PLCB4: variants seen among roughly 807,000 people sequenced by gnomAD.
PLCB4 encodes phospholipase C beta 4.
PLCB4 carries 77 observed loss-of-function variants against 178.8 expected under a neutral mutation model. The ratio of observed to expected loss-of-function variants is 0.43; its 90% CI spans 0.36 to 0.52. PLCB4 has a LOEUF of 0.52. Ranked by LOEUF, PLCB4 falls within the 20% of genes least tolerant of loss-of-function variation. The probability of loss-of-function intolerance (pLI) is 0.00; values close to 1 mark genes in which losing one functional copy is unlikely to be tolerated. For missense variants in PLCB4, 1,024 were observed against 1,453.4 expected, an observed-to-expected ratio of 0.70 and a Z score of 4.80; for synonymous variants, 496 against 490.8, an observed-to-expected ratio of 1.01 and a Z score of -0.14.
intron 9 of PLCB4, among the ~76,000 whole-genome samples, chr20:9,366,523 T>C (rs1201332787): frequency 6.6e-6 from 1 of 152,142 alleles, no homozygotes; most frequent in Non-Finnish European, 1.5e-5. Context: ...GGATTCCCCA[T>C]GCATCCCTCT....
At chr20:9,273,070 A>C (rs2094419878) in intron 3 of PLCB4, among the ~76,000 whole-genome samples, 2 of 152,112 alleles carry the variant, frequency 1.3e-5, no homozygotes, top group African/African-American at 4.8e-5. Context: ...TTTAATCCTC[A>C]GTATATACTT....
chr20:9,117,684 C>T (rs2091826144), intron 2 of PLCB4, among the ~76,000 whole-genome samples: 2 of 152,152 alleles, frequency 1.3e-5, no homozygotes, highest in African/African-American at 4.8e-5. Flanking sequence ...TTTTGTTCTC[C>T]TGTGCCTCGG....
Position 9,351,424 on chromosome 20 carries a change from A to G in PLCB4, c.370-11472A>G, listed in dbSNP as rs561312086. On this transcript the variant is annotated intron_variant, in intron 7 of 39. Transcript: ENST00000378473. ...ACCAGTGTGGCACTGAATAAAAGTC[A>G]GTAAATTATATCATAGAGGCATTAT... 9.8e-5 allele frequency among the ~76,000 whole-genome samples: 15 copies of G among 152,354 alleles called. 1 individual carries two copies. The South Asian group carries it at 2.7e-3, about 27-fold the overall frequency.
At chr20:9,155,106 C>T (rs1473273217) in intron 2 of PLCB4, among the ~76,000 whole-genome samples, 1 of 151,342 alleles carries the variant, frequency 6.6e-6, no homozygotes, top group Non-Finnish European at 1.5e-5. Flanking sequence ...CCCCTCCCAC[C>T]CTTCCCCTTC....
chr20:9,330,464 C>T (rs1224097624), intron 4 of PLCB4, among the ~76,000 whole-genome samples: 1 of 152,190 alleles, frequency 6.6e-6, no homozygotes, highest in African/African-American at 2.4e-5. Flanking sequence ...GTCCAACAAT[C>T]TTCTGGCGAT....
At chr20:9,151,896 T>C (rs1033356362) in intron 2 of PLCB4, among the ~76,000 whole-genome samples, 1 of 151,992 alleles carries the variant, frequency 6.6e-6, no homozygotes, top group Non-Finnish European at 1.5e-5. Context: ...CTGATAGTGA[T>C]ATAGACAATA....
intron 3 of PLCB4, among the ~76,000 whole-genome samples, chr20:9,296,854 G>T (rs1359719716): frequency 6.6e-6 from 1 of 151,878 alleles, no homozygotes; most frequent in Non-Finnish European, 1.5e-5. Flanking sequence ...ACAGGGGCCT[G>T]TTGTGGGGTT....
intron 4 of PLCB4, among the ~76,000 whole-genome samples, chr20:9,321,448 AG>A (rs1329915078): frequency 6.6e-6 from 1 of 152,218 alleles, no homozygotes; most frequent in Non-Finnish European, 1.5e-5. Flanking sequence ...CTGGAACCAA[AG>A]ACCTGTTTAA....
chr20:9,167,243 A>G (rs1378789857), intron 2 of PLCB4, among the ~76,000 whole-genome samples: 4 of 152,066 alleles, frequency 2.6e-5, no homozygotes, highest in Non-Finnish European at 5.9e-5. Flanking sequence ...TGAACATAAA[A>G]CTGCTCTAAG....
chr20:9,168,099 T>C (rs2147019986), intron 2 of PLCB4, among the ~76,000 whole-genome samples: 1 of 152,332 alleles, frequency 6.6e-6, no homozygotes, highest in South Asian at 2.1e-4. Context: ...CTTTATGTGC[T>C]TTTTACATTA....
At chr20:9,132,691 C>T (rs1046280354) in intron 2 of PLCB4, among the ~76,000 whole-genome samples, 5 of 152,128 alleles carry the variant, frequency 3.3e-5, no homozygotes, top group East Asian at 3.9e-4. Context: ...TTATCGTTTG[C>T]GATGCCCACC....
chr20:9,260,037 T>C (rs1298104183), intron 3 of PLCB4, among the ~76,000 whole-genome samples: 4 of 152,080 alleles, frequency 2.6e-5, no homozygotes, highest in African/African-American at 9.7e-5. Flanking sequence ...AGAATGGAAA[T>C]TAGAAATGAT....
chr20:9,451,445 CTTAT>C (rs1486168010), intron 32 of PLCB4, among the ~76,000 whole-genome samples: 2 of 152,126 alleles, frequency 1.3e-5, no homozygotes, highest in Non-Finnish European at 2.9e-5. Context: ...CAGAAAGCCC[CTTAT>C]TTATTTAATT....
At chr20:9,232,177 C>CA (rs1325409904) in intron 3 of PLCB4, among the ~76,000 whole-genome samples, 3 of 152,092 alleles carry the variant, frequency 2.0e-5, no homozygotes, top group African/African-American at 7.2e-5. Context: ...AGGGTGATGA[C>CA]AAAAGAGTCC....
At chr20:9,299,271 T>G (rs2094676806) in intron 3 of PLCB4, among the ~76,000 whole-genome samples, 1 of 152,054 alleles carries the variant, frequency 6.6e-6, no homozygotes, top group East Asian at 1.9e-4. Flanking sequence ...AAACAAGTTT[T>G]AAAATTGTAT....
intron 3 of PLCB4, among the ~76,000 whole-genome samples, chr20:9,293,659 C>T (rs1189170498): frequency 1.4e-5 from 1 of 70,768 alleles, no homozygotes; most frequent in East Asian, 4.0e-4. Context: ...TCATTGTTTA[C>T]TGCTATATGC....
At chr20:9,358,095 A>T (rs983900387) in intron 7 of PLCB4, among the ~76,000 whole-genome samples, 4 of 152,206 alleles carry the variant, frequency 2.6e-5, no homozygotes, top group African/African-American at 9.6e-5. Context: ...AGGGTTTGCA[A>T]CAGTGCTTCT....
At chr20:9,299,630 C>T (rs1427467802) in intron 3 of PLCB4, among the ~76,000 whole-genome samples, 2 of 151,982 alleles carry the variant, frequency 1.3e-5, no homozygotes, top group South Asian at 4.2e-4. Context: ...TATTGTTAAG[C>T]AAATAACTAT....
chr20:9,290,696 T>C (rs1384248931), intron 3 of PLCB4, among the ~76,000 whole-genome samples: 2 of 152,170 alleles, frequency 1.3e-5, no homozygotes, highest in Non-Finnish European at 2.9e-5. Context: ...ACAATAGTAA[T>C]GCATTGTTTT....
Sources: gnomAD v4.1 joint callset for allele counts (sites outside exome capture counted in the v4.1 genomes callset) on GRCh38, gnomAD v4.1.1 for gene constraint, MANE v1.5 for transcripts, NCBI Gene and HGNC (gene_info 2026-07-23, HGNC 2026-07-21) for gene names.